Variants in AK5 observed in about 807,000 individuals in gnomAD.
AK5 encodes the protein adenylate kinase isoenzyme 5.
A neutral mutation model predicts 69.5 loss-of-function variants in AK5; 27 were observed. The ratio of observed to expected loss-of-function variants is 0.39; its 90% CI spans 0.29 to 0.54. The LOEUF is 0.54. Ranked by LOEUF, AK5 falls within the 20% of genes least tolerant of loss-of-function variation. AK5 has a pLI of 0.71. For missense variants in AK5, 531 were observed against 700.4 expected (o/e 0.76, Z 2.73); for synonymous variants, 260 against 244.4 (o/e 1.06, Z -0.60).
chr1:77,306,751 A>T (rs2100277420), intron 5 of AK5, among the ~76,000 whole-genome samples: 1 of 151,948 alleles, frequency 6.6e-6, no homozygotes, highest in Middle Eastern at 3.4e-3. Flanking sequence ...TAACTGGGAG[A>T]TTTTTTATTG....
chr1:77,515,078 G>C (rs980118421), intron 10 of AK5, among the ~76,000 whole-genome samples: 2 of 152,174 alleles, frequency 1.3e-5, no homozygotes, highest in Non-Finnish European at 2.9e-5. Flanking sequence ...AGTAAACATA[G>C]CATTAGCTGG....
intron 8 of AK5, among the ~76,000 whole-genome samples, chr1:77,482,045 G>A (rs66538606): frequency 0.15 from 22,485 of 152,192 alleles, 1,871 homozygotes; most frequent in Admixed American, 0.2. Context: ...GCAAGTGGAG[G>A]AGCAATGTAT....
At chr1:77,548,402 G>C (rs1659648980) in intron 13 of AK5, among the ~76,000 whole-genome samples, 1 of 152,188 alleles carries the variant, frequency 6.6e-6, no homozygotes, top group African/African-American at 2.4e-5. Flanking sequence ...ATCATGCCCA[G>C]GTTCTGCACA....
intron 11 of AK5, among the ~76,000 whole-genome samples, chr1:77,521,530 CATCTA>C (rs1347406443): frequency 2.0e-5 from 3 of 152,152 alleles, no homozygotes; most frequent in Non-Finnish European, 2.9e-5. Context: ...TACCTTACCT[CATCTA>C]ATCTAAGATG....
At chr1:77,435,644 C>CAAAAAAAAAAAAAAAA (rs1202203579) in intron 8 of AK5, among the ~76,000 whole-genome samples, 11 of 66,112 alleles carry the variant, frequency 1.7e-4, no homozygotes, top group African/African-American at 6.2e-4. Flanking sequence ...GACTCTGTCT[C>CAAAAAAAAAAAAAAAA]AAAAAAAAAA....
chr1:77,532,552 TG>T (rs1451397208), intron 12 of AK5, among the ~76,000 whole-genome samples: 2 of 152,208 alleles, frequency 1.3e-5, no homozygotes, highest in East Asian at 3.9e-4. Context: ...GGTTAACCTC[TG>T]AGGGCCTCCA....
chr1:77,314,475 A>C (rs996308316), intron 5 of AK5: 31 of 152,798 alleles, frequency 2.0e-4, no homozygotes, highest in African/African-American at 7.5e-4. Context: ...AATACATTTA[A>C]AGATATTATT....
rs944228938 is a variant in AK5, at chr1:77,398,282, GT to G, written c.892-12692del. On this transcript the variant is annotated intron_variant, in intron 6 of 13. Transcript: ENST00000354567. ...ATCTGTTGCTCAGGCAGCACAGCGG[GT>G]TTTTTTCAGGCTTTCAGGGTACCAC... Among the ~76,000 whole-genome samples, 14 of 152,126 alleles carry G rather than the reference GT, an allele frequency of 9.2e-5. 1 individual carries two copies. Among genetic ancestry groups the G allele is most frequent in the Admixed American group, 7.2e-4 (11 of 15,274 alleles).
intron 6 of AK5, among the ~76,000 whole-genome samples, chr1:77,364,424 A>G (rs897789654): frequency 5.3e-5 from 8 of 152,184 alleles, no homozygotes; most frequent in Non-Finnish European, 8.8e-5. Context: ...ATGATATGCT[A>G]TTGTTAACTA....
At chr1:77,444,173 C>A (rs61784762) in intron 8 of AK5, among the ~76,000 whole-genome samples, 9,392 of 139,610 alleles carry the variant, frequency 0.067, 728 homozygotes, top group African/African-American at 0.18. Context: ...CACTCTCTCT[C>A]TATATATATG....
chr1:77,489,690 G>A (rs953919557), intron 10 of AK5, among the ~76,000 whole-genome samples: 2 of 152,318 alleles, frequency 1.3e-5, no homozygotes, highest in Admixed American at 6.5e-5. Context: ...AGTCTAGGTT[G>A]ACATCCTCAC....
chr1:77,399,159 A>T (rs1649027066), intron 6 of AK5, among the ~76,000 whole-genome samples: 1 of 152,172 alleles, frequency 6.6e-6, no homozygotes, highest in East Asian at 1.9e-4. Context: ...GTACCCAAAG[A>T]TTAGCGAGCA....
At position 77,537,541 on chromosome 1, in the gene AK5, A is replaced by T. The variant is rs192254550; in HGVS notation, c.1620+1503A>T. Among the ~76,000 whole-genome samples the T allele has an allele frequency of 2.9e-3, 442 of 152,256 alleles. 7 individuals carry two copies. The highest frequency in any genetic ancestry group is 9.4e-4 in the Non-Finnish European group (64 of 68,006). On this transcript the variant is annotated intron_variant, in intron 13 of 13. Transcript: ENST00000354567. ...AGGCTAGAACAGTATCCAGGAACAA[A>T]TCCATAAGGATGACAGAGTGAGCTT...
chr1:77,475,282 TACTC>T (rs1654792326), intron 8 of AK5, among the ~76,000 whole-genome samples: 1 of 142,126 alleles, frequency 7.0e-6, no homozygotes, highest in Admixed American at 7.4e-5. Context: ...ATATATATAT[TACTC>T]AGGGAGGTGG....
chr1:77,555,800 C>T (rs1570361814), intron 13 of AK5, among the ~76,000 whole-genome samples: 1 of 152,258 alleles, frequency 6.6e-6, no homozygotes, highest in Non-Finnish European at 1.5e-5. Context: ...TTCATCTCTA[C>T]CACTGAGCGT....
In AK5 at chr1:77,418,675, C is replaced by T. The variant is rs1384806050; in HGVS notation, c.1059+960C>T. On this transcript the variant is annotated intron_variant, in intron 8 of 13. Transcript: ENST00000354567. ...GAAAAATGTCCAAAACTTTCTTCCG[C>T]CTCTCATCAGTGCTCCTCAGCAATG... is the stretch of plus-strand genomic sequence containing the variant. Among the ~76,000 whole-genome samples, 8 of 152,154 alleles carry T rather than the reference C, an allele frequency of 5.3e-5. No homozygotes were observed. The South Asian group carries it at 1.7e-3, about 31-fold the overall frequency.
chr1:77,359,077 A>C (rs567896222), intron 6 of AK5, among the ~76,000 whole-genome samples: 1 of 152,110 alleles, frequency 6.6e-6, no homozygotes, highest in African/African-American at 2.4e-5. Context: ...AACGCGGTGA[A>C]ACCCCGTCTC....
chr1:77,500,935 C>G (rs1656681931), intron 10 of AK5, among the ~76,000 whole-genome samples: 1 of 152,092 alleles, frequency 6.6e-6, no homozygotes. Context: ...AGCCAGAATT[C>G]ATGCTTATGA....
intron 5 of AK5, among the ~76,000 whole-genome samples, chr1:77,320,132 G>A (rs77351329): frequency 0.012 from 1,855 of 152,300 alleles, 45 homozygotes; most frequent in African/African-American, 0.042. Context: ...GCAGGAAGAA[G>A]TGCTGAGCAA....
Sources: allele counts gnomAD v4.1 joint callset (sites outside exome capture counted in the v4.1 genomes callset), GRCh38; gene constraint gnomAD v4.1.1; transcripts MANE v1.5; gene names NCBI Gene and HGNC (gene_info 2026-07-23, HGNC 2026-07-21).